The following MDM2 variants were observed in gnomAD, a reference collection of about 807,000 sequenced individuals.
MDM2 encodes E3 ubiquitin-protein ligase Mdm2.
In MDM2, 11 loss-of-function variants were observed where a neutral mutation model predicts 64.3. The observed-to-expected ratio is 0.17, with a 90% confidence interval of 0.11 to 0.28. MDM2 has a LOEUF of 0.28. Ranked by LOEUF, MDM2 falls within the 10% of genes least tolerant of loss-of-function variation. The pLI is 1.00. For synonymous variants in MDM2, 194 were observed against 192.9 expected (o/e 1.01, Z -0.05); for missense variants, 388 against 577.1 (o/e 0.67, Z 3.36).
At chr12:68,830,672 A>G (rs988041438) in intron 8 of MDM2, among the ~76,000 whole-genome samples, 3 of 152,180 alleles carry the variant, frequency 2.0e-5, no homozygotes, top group South Asian at 2.1e-4. Flanking sequence ...TATCCAACCT[A>G]CAAGTTTGGT....
intron 7 of MDM2, 196 bp from the exon 8 acceptor site, chr12:68,828,575 G>T: frequency 2.0e-6 from 1 of 490,240 alleles, no homozygotes; most frequent in Non-Finnish European, 3.6e-6. Flanking sequence ...CCCTTTCTCA[G>T]ACAATAAATA....
rs915310365 is a variant in MDM2 at position 68,836,809 on chromosome 12, C to T, written c.918+60C>T. On this transcript the variant is annotated intron_variant, in intron 10 of 10. Coordinates refer to ENST00000258149, the MANE Select transcript of MDM2 (RefSeq NM_002392.6). ...TTTCATTAAGGTCAAGATTAGGAGA[C>T]TATATCTAGCTTCTTTCTGAAATGA... 2.7e-5 allele frequency: 26 copies of T among 970,250 alleles called. No homozygotes were observed. The African/African-American group carries it at 3.9e-4, about 15-fold the overall frequency. The allele number at this position is 970,250 out of a possible 1,614,324, so 60.1% of individuals were successfully genotyped here. A position where few individuals can be genotyped will look rare whatever the true frequency, so the allele number is the denominator to read the frequency against.
chr12:68,812,710 A>C (rs185252762), intron 2 of MDM2, among the ~76,000 whole-genome samples: 48 of 152,256 alleles, frequency 3.2e-4, no homozygotes, highest in African/African-American at 1.1e-3. Context: ...CTGTCTCCCA[A>C]AGTGCTGGGG....
At chr12:68,828,303 GATTAA>G (rs1193296215) in intron 7 of MDM2, 1 of 152,668 alleles carries the variant, frequency 6.6e-6, no homozygotes, top group African/African-American at 2.4e-5. Flanking sequence ...TTATTAGATA[GATTAA>G]ATTGTGATGT....
intron 8 of MDM2, among the ~76,000 whole-genome samples, chr12:68,831,256 G>A (rs1369062334): frequency 6.6e-6 from 1 of 152,182 alleles, no homozygotes; most frequent in African/African-American, 2.4e-5. Context: ...CCCTTACACA[G>A]ACAGAGGGAG....
chr12:68,833,827 C>T (rs2136163967), intron 8 of MDM2, among the ~76,000 whole-genome samples: 1 of 152,236 alleles, frequency 6.6e-6, no homozygotes, highest in Non-Finnish European at 1.5e-5. Context: ...TTGTGATTTA[C>T]CCCCTTATTC....
chr12:68,828,105 T>G (rs1882485815), intron 7 of MDM2: 1 of 152,208 alleles, frequency 6.6e-6, no homozygotes, highest in Admixed American at 6.5e-5. Flanking sequence ...CACTCCAGCC[T>G]GGGTGGTCGA....
At chr12:68,835,039 T>C (rs1389177326) in intron 8 of MDM2, among the ~76,000 whole-genome samples, 5 of 152,172 alleles carry the variant, frequency 3.3e-5, no homozygotes, top group African/African-American at 1.2e-4. Context: ...TAAGTATCTA[T>C]GACTCGAGAC....
Position 68,844,677 on chromosome 12 carries a change from C to T in MDM2, c.*4828C>T, listed in dbSNP as rs1434573523. On this transcript the variant is annotated 3_prime_UTR_variant, in exon 11 of 11. Coordinates refer to ENST00000258149, the MANE Select transcript of MDM2 (RefSeq NM_002392.6). ...AAAAACAAAAAAACTGGCTTTAAAG[C>T]AGGAGCTTGTGGGCCCCTAAGCCAG... 7 of 223,894 alleles carry T rather than the reference C, an allele frequency of 3.1e-5. No homozygotes were observed. Among genetic ancestry groups the T allele is most frequent in the Non-Finnish European group, 6.2e-5 (7 of 112,220 alleles). The allele number at this position is 223,894 out of a possible 1,614,324, so 13.9% of individuals were successfully genotyped here.
At chr12:68,829,429 G>GAACTTACCTGAT (rs1364432864) in intron 8 of MDM2, among the ~76,000 whole-genome samples, 2 of 152,102 alleles carry the variant, frequency 1.3e-5, no homozygotes, top group African/African-American at 4.8e-5. Flanking sequence ...TTGCCAAATA[G>GAACTTACCTGAT]GTCTAGACAT....
intron 3 of MDM2, chr12:68,814,584 C>A (rs1484261490): frequency 5.3e-6 from 2 of 377,428 alleles, no homozygotes; most frequent in Non-Finnish European, 1.0e-5. Context: ...ATTAATGGAC[C>A]CCCTGAATTC....
intron 8 of MDM2, among the ~76,000 whole-genome samples, chr12:68,833,126 C>CAAAA (rs35815088): frequency 1.6e-5 from 1 of 61,750 alleles, no homozygotes; most frequent in Non-Finnish European, 3.1e-5. Flanking sequence ...ACTCTGTCTC[C>CAAAA]AAAAAAAAAA....
intron 8 of MDM2, among the ~76,000 whole-genome samples, chr12:68,835,306 A>G (rs754071314): frequency 3.2e-4 from 49 of 152,246 alleles, no homozygotes; most frequent in Non-Finnish European, 2.9e-5. Context: ...GCTTAGTCAA[A>G]GAAGGATGAA....
chr12:68,814,664 A>G (rs1881195742), intron 3 of MDM2: 1 of 358,848 alleles, frequency 2.8e-6, no homozygotes. Flanking sequence ...ACATGAGTAC[A>G]GTATACTGAT....
At chr12:68,832,072 A>G (rs1882842613) in intron 8 of MDM2, among the ~76,000 whole-genome samples, 1 of 152,196 alleles carries the variant, frequency 6.6e-6, no homozygotes, top group Non-Finnish European at 1.5e-5. Context: ...TTCCATCTCA[A>G]ACAACAACAA....
At chr12:68,833,791 G>A (rs1200398623) in intron 8 of MDM2, among the ~76,000 whole-genome samples, 1 of 152,150 alleles carries the variant, frequency 6.6e-6, no homozygotes, top group Admixed American at 6.6e-5. Flanking sequence ...CTACCGTAGA[G>A]TATGTTTTCT....
chr12:68,822,834 G>A (rs915607653), intron 5 of MDM2, among the ~76,000 whole-genome samples: 1 of 151,580 alleles, frequency 6.6e-6, no homozygotes, highest in Non-Finnish European at 1.5e-5. Flanking sequence ...TCTGCTTCCC[G>A]GGTTTAAGTG....
At position 68,835,848 on chromosome 12, in the gene MDM2, G is replaced by A; in HGVS notation, c.704G>A (p.Ser235Asn). The change falls in exon 9 of 11, where the codon AGT becomes AAT. Residue 235 changes from serine to asparagine, a missense_variant. Transcript: ENST00000258149. ...PSNPDLDAGVSEHSGDWLDQD... is the reference protein window; with the variant it reads ...PSNPDLDAGVNEHSGDWLDQD... Reference sequence around the variant, plus strand: ...TTTTAGGATCTTGATGCTGGTGTAAGTGAACATTCAGGTGATTGGTTGGAT... The same window carrying A: ...TTTTAGGATCTTGATGCTGGTGTAAATGAACATTCAGGTGATTGGTTGGAT... 1 of 1,612,740 alleles carries A rather than the reference G, an allele frequency of 6.2e-7. No individual in the cohort carries two copies. The highest frequency in any genetic ancestry group is 8.5e-7 in the Non-Finnish European group (1 of 1,179,342).
Position 68,841,115 on chromosome 12 carries a change from G to A in MDM2, c.*1266G>A, listed in dbSNP as rs1033543408. ...CTCACCTCAGCCTCCCAAAATGCTG[G>A]GATTACAGATGTGAGGCACCTGGCC... On this transcript the variant is annotated 3_prime_UTR_variant, in exon 11 of 11. Transcript: ENST00000258149. The A allele has an allele frequency of 2.6e-5, 5 of 189,768 alleles. No homozygotes were observed. The highest frequency in any genetic ancestry group is 1.2e-4 in the African/African-American group (5 of 42,726). 11.8% of individuals were successfully genotyped at this position (189,768 alleles called of 1,614,324 possible). A position where few individuals can be genotyped will look rare whatever the true frequency, so the allele number is the denominator to read the frequency against.
Sources: gnomAD v4.1 joint callset for allele counts (sites outside exome capture counted in the v4.1 genomes callset) on GRCh38, gnomAD v4.1.1 for gene constraint, MANE v1.5 for transcripts, NCBI Gene and HGNC (gene_info 2026-07-23, HGNC 2026-07-21) for gene names.